The following RBMS3 variants were observed in gnomAD, a reference collection of about 807,000 sequenced individuals.
RBMS3 encodes RNA binding motif single stranded interacting protein 3, also known as RNA-binding motif, single-stranded-interacting protein 3.
RBMS3 carries 27 observed loss-of-function variants against 66.8 expected under a neutral mutation model. The ratio of observed to expected loss-of-function variants is 0.40; its 90% confidence interval spans 0.30 to 0.56. RBMS3 has a LOEUF of 0.56. Among genes scored for constraint, RBMS3 ranks in the 20% least tolerant of loss-of-function variants. The pLI, the probability that RBMS3 is intolerant of heterozygous loss-of-function variation, is 0.40. For missense variants in RBMS3, 513 were observed against 549.5 expected, an observed-to-expected ratio of 0.93 and a Z score of 0.66; for synonymous variants, 188 against 183.0, an observed-to-expected ratio of 1.03 and a Z score of -0.22.
At chr3:29,788,219 GA>G (rs1456482250) in intron 6 of RBMS3, among the ~76,000 whole-genome samples, 3 of 91,176 alleles carry the variant, frequency 3.3e-5, no homozygotes, top group South Asian at 2.9e-4. Context: ...TTTTTTTTTG[GA>G]AAAAAATGGT....
At chr3:29,807,854 T>A (rs2149452909) in intron 6 of RBMS3, among the ~76,000 whole-genome samples, 1 of 151,978 alleles carries the variant, frequency 6.6e-6, no homozygotes, top group African/African-American at 2.4e-5. Flanking sequence ...AGTAATTTCA[T>A]CTTCTAAATT....
At chr3:29,776,849 A>G (rs1043801549) in intron 6 of RBMS3, among the ~76,000 whole-genome samples, 1 of 151,994 alleles carries the variant, frequency 6.6e-6, no homozygotes, top group Admixed American at 6.6e-5. Context: ...TCATTCTAGA[A>G]TGGTATCCAT....
chr3:29,681,213 T>C (rs560028179), intron 4 of RBMS3, among the ~76,000 whole-genome samples: 1 of 152,348 alleles, frequency 6.6e-6, no homozygotes, highest in South Asian at 2.1e-4. Context: ...CTTCATGAAA[T>C]GTTTCATTAA....
intron 4 of RBMS3, among the ~76,000 whole-genome samples, chr3:29,679,181 T>G (rs2051382261): frequency 6.6e-6 from 1 of 152,032 alleles, no homozygotes; most frequent in Non-Finnish European, 1.5e-5. Context: ...TCCAGATGAG[T>G]TTTATGCATG....
intron 3 of RBMS3, among the ~76,000 whole-genome samples, chr3:29,491,214 T>C (rs887076295): frequency 4.6e-5 from 7 of 152,180 alleles, no homozygotes; most frequent in Non-Finnish European, 2.9e-5. Context: ...AATTATACTA[T>C]GGGTATCCTT....
intron 1 of RBMS3, among the ~76,000 whole-genome samples, chr3:29,309,274 A>C (rs2125461949): frequency 6.6e-6 from 1 of 151,930 alleles, no homozygotes; most frequent in Non-Finnish European, 1.5e-5. Context: ...CGGAGAGTTA[A>C]GTTTTGGGCA....
At chr3:29,308,564 A>T (rs2034161278) in intron 1 of RBMS3, among the ~76,000 whole-genome samples, 1 of 151,734 alleles carries the variant, frequency 6.6e-6, no homozygotes, top group Non-Finnish European at 1.5e-5. Flanking sequence ...GCTAAAAAAA[A>T]ATTTAGAGAT....
At chr3:29,386,509 A>G (rs1412412273) in intron 1 of RBMS3, among the ~76,000 whole-genome samples, 1 of 152,170 alleles carries the variant, frequency 6.6e-6, no homozygotes, top group Non-Finnish European at 1.5e-5. Flanking sequence ...ATGAATCATG[A>G]GGGTCCTTCG....
chr3:29,471,424 A>G (rs1038925963), intron 2 of RBMS3, among the ~76,000 whole-genome samples: 4 of 152,216 alleles, frequency 2.6e-5, no homozygotes, highest in African/African-American at 7.2e-5. Context: ...ACATAAATAT[A>G]TCAACTTTTA....
chr3:29,799,610 G>T (rs2057325032), intron 6 of RBMS3, among the ~76,000 whole-genome samples: 1 of 152,114 alleles, frequency 6.6e-6, no homozygotes, highest in African/African-American at 2.4e-5. Flanking sequence ...GTGAAACTAA[G>T]CATGACCCCC....
At chr3:29,461,802 G>A (rs1384555160) in intron 2 of RBMS3, among the ~76,000 whole-genome samples, 1 of 151,556 alleles carries the variant, frequency 6.6e-6, no homozygotes, top group Non-Finnish European at 1.5e-5. Context: ...CACCTAGGCT[G>A]GACTGCAGTG....
intron 1 of RBMS3, among the ~76,000 whole-genome samples, chr3:29,345,439 T>C (rs997008865): frequency 8.5e-5 from 13 of 152,090 alleles, no homozygotes; most frequent in African/African-American, 1.9e-4. Context: ...GATTTTTTTT[T>C]CCCCCACTCT....
chr3:29,467,254 AAG>A (rs2042575185), intron 2 of RBMS3, among the ~76,000 whole-genome samples: 1 of 152,204 alleles, frequency 6.6e-6, no homozygotes, highest in African/African-American at 2.4e-5. Flanking sequence ...GAAAGAAAAC[AAG>A]AGTCTCATGT....
intron 1 of RBMS3, among the ~76,000 whole-genome samples, chr3:29,339,344 C>A (rs1237829406): frequency 6.6e-6 from 1 of 152,142 alleles, no homozygotes; most frequent in African/African-American, 2.4e-5. Context: ...AATAAGAAAT[C>A]AGTTGTTCTC....
intron 3 of RBMS3, among the ~76,000 whole-genome samples, chr3:29,490,947 A>C (rs1010624859): frequency 1.3e-5 from 2 of 152,176 alleles, no homozygotes; most frequent in African/African-American, 2.4e-5. Flanking sequence ...AACACCTGGA[A>C]ACCTCAATAG....
chr3:29,463,816 C>A (rs2042450811), intron 2 of RBMS3, among the ~76,000 whole-genome samples: 1 of 152,080 alleles, frequency 6.6e-6, no homozygotes, highest in Non-Finnish European at 1.5e-5. Flanking sequence ...CCTAACCCCA[C>A]ACTACATACT....
At chr3:29,714,489 C>T (rs1419706112) in intron 4 of RBMS3, among the ~76,000 whole-genome samples, 1 of 151,836 alleles carries the variant, frequency 6.6e-6, no homozygotes, top group African/African-American at 2.4e-5. Flanking sequence ...AGTCTGGAGA[C>T]AAGGAAAAGG....
chr3:29,796,330 G>A (rs900629512), intron 6 of RBMS3, among the ~76,000 whole-genome samples: 8 of 152,024 alleles, frequency 5.3e-5, no homozygotes, highest in Non-Finnish European at 8.8e-5. Flanking sequence ...TTCCTTCACT[G>A]AAGTCTTGAA....
intron 10 of RBMS3, among the ~76,000 whole-genome samples, chr3:29,919,009 A>G (rs1039985141): frequency 6.6e-6 from 1 of 152,100 alleles, no homozygotes; most frequent in Non-Finnish European, 1.5e-5. Flanking sequence ...TTCTTTTTAT[A>G]TATGCTTGAA....
Sources: gnomAD v4.1 joint callset for allele counts (sites outside exome capture counted in the v4.1 genomes callset) on GRCh38, gnomAD v4.1.1 for gene constraint, MANE v1.5 for transcripts, NCBI Gene and HGNC (gene_info 2026-07-23, HGNC 2026-07-21) for gene names.